CENPP: variants seen among roughly 807,000 people sequenced by gnomAD.
The protein encoded by CENPP is centromere protein P.
CENPP carries 24 observed loss-of-function variants against 35.6 expected under a neutral mutation model. That is an observed-to-expected ratio of 0.67 (90% confidence interval 0.49 to 0.95). The LOEUF is 0.95. CENPP is among the 40% of genes least tolerant of loss of function. The pLI, the probability that CENPP is intolerant of heterozygous loss-of-function variation, is 0.00. For missense variants in CENPP, 332 were observed against 345.3 expected, an observed-to-expected ratio of 0.96 and a Z score of 0.31; for synonymous variants, 120 against 125.5, an observed-to-expected ratio of 0.96 and a Z score of 0.29.
At chr9:92,584,934 T>C (rs1050346884) in intron 5 of CENPP, among the ~76,000 whole-genome samples, 5 of 152,254 alleles carry the variant, frequency 3.3e-5, no homozygotes, top group Non-Finnish European at 7.3e-5. Context: ...TATGCACCCA[T>C]GTATTATGCT....
intron 5 of CENPP, among the ~76,000 whole-genome samples, chr9:92,421,460 A>C (rs1483243642): frequency 6.6e-6 from 1 of 152,222 alleles, no homozygotes; most frequent in African/African-American, 2.4e-5. Flanking sequence ...GTGAAAAAGT[A>C]GAGAATCTTG....
chr9:92,480,097 A>G (rs7035992), intron 5 of CENPP, among the ~76,000 whole-genome samples: 4,710 of 152,284 alleles, frequency 0.031, 253 homozygotes, highest in African/African-American at 0.11. Flanking sequence ...AGGTTACTCT[A>G]TTTTTAAACC....
At chr9:92,412,774 T>TA (rs1484318902) in intron 5 of CENPP, among the ~76,000 whole-genome samples, 1 of 152,222 alleles carries the variant, frequency 6.6e-6, no homozygotes, top group Admixed American at 6.5e-5. Flanking sequence ...GCGTGGTTTC[T>TA]ACCTTTGGAT....
intron 5 of CENPP, among the ~76,000 whole-genome samples, chr9:92,552,814 T>TC (rs1167117571): frequency 6.6e-6 from 1 of 152,210 alleles, no homozygotes; most frequent in Non-Finnish European, 1.5e-5. Flanking sequence ...TGCTGACTGT[T>TC]CCTTTTGCCG....
intron 5 of CENPP, among the ~76,000 whole-genome samples, chr9:92,409,213 T>G (rs1332769216): frequency 6.6e-6 from 1 of 152,202 alleles, no homozygotes; most frequent in Non-Finnish European, 1.5e-5. Flanking sequence ...GTTATATCAA[T>G]TTAGGAAATT....
chr9:92,564,397 A>T (rs1249229347), intron 5 of CENPP, among the ~76,000 whole-genome samples: 1 of 152,154 alleles, frequency 6.6e-6, no homozygotes, highest in Non-Finnish European at 1.5e-5. Flanking sequence ...TCAAAAAAAA[A>T]AAATAAAATA....
intron 5 of CENPP, among the ~76,000 whole-genome samples, chr9:92,401,449 T>C (rs1276026637): frequency 6.6e-6 from 1 of 152,216 alleles, no homozygotes; most frequent in Non-Finnish European, 1.5e-5. Flanking sequence ...CACTCAGTGC[T>C]TAATAAATGT....
chr9:92,486,078 A>G (rs1243298128), intron 5 of CENPP, among the ~76,000 whole-genome samples: 1 of 152,168 alleles, frequency 6.6e-6, no homozygotes, highest in Admixed American at 6.5e-5. Context: ...TGTAAGTGCT[A>G]TGGAGAGAAG....
chr9:92,528,874 A>G (rs1467594662), intron 5 of CENPP, among the ~76,000 whole-genome samples: 1 of 152,238 alleles, frequency 6.6e-6, no homozygotes, highest in Non-Finnish European at 1.5e-5. Flanking sequence ...GTTGACCCAT[A>G]ATGGGAAAAA....
At chr9:92,566,818 T>A (rs1849978659) in intron 5 of CENPP, among the ~76,000 whole-genome samples, 1 of 152,106 alleles carries the variant, frequency 6.6e-6, no homozygotes, top group African/African-American at 2.4e-5. Flanking sequence ...TCTGAAGAAT[T>A]AATGGCTGAA....
intron 5 of CENPP, among the ~76,000 whole-genome samples, chr9:92,541,102 A>T (rs1849308119): frequency 6.6e-6 from 1 of 151,884 alleles, no homozygotes; most frequent in East Asian, 2.0e-4. Flanking sequence ...TCTACTAAAA[A>T]AACAAAATTA....
intron 5 of CENPP, among the ~76,000 whole-genome samples, chr9:92,565,293 TAAAA>T (rs3078380): frequency 2.4e-4 from 8 of 33,162 alleles, no homozygotes; most frequent in South Asian, 2.3e-3. Context: ...GCTGATGAGC[TAAAA>T]AAAAAAAAAA....
At chr9:92,419,903 CTTAAG>C (rs1843734098) in intron 5 of CENPP, among the ~76,000 whole-genome samples, 1 of 152,106 alleles carries the variant, frequency 6.6e-6, no homozygotes. Context: ...AGAATAGTTA[CTTAAG>C]TTATTTTCTT....
chr9:92,532,633 T>C (rs569946829), intron 5 of CENPP, among the ~76,000 whole-genome samples: 8 of 152,358 alleles, frequency 5.3e-5, no homozygotes, highest in African/African-American at 1.7e-4. Flanking sequence ...AATCTATCCA[T>C]TGACTTCCTT....
intron 4 of CENPP, among the ~76,000 whole-genome samples, chr9:92,348,899 G>A (rs893210935): frequency 6.6e-6 from 1 of 152,188 alleles, no homozygotes; most frequent in African/African-American, 2.4e-5. Context: ...CAAAAAGACT[G>A]CGATGATTGT....
At position 92,619,503 on chromosome 9, in the gene CENPP, G is replaced by A. The variant is rs755823995; in HGVS notation, c.*6354G>A. The A allele has an allele frequency of 2.5e-5, 40 of 1,591,544 alleles. No individual in the cohort carries two copies. Among genetic ancestry groups the A allele is most frequent in the Non-Finnish European group, 3.3e-5 (39 of 1,169,468 alleles). On this transcript the variant is annotated 3_prime_UTR_variant, in exon 8 of 8. Transcript: ENST00000375587. Reference sequence around the variant, plus strand: ...GGCCTCACCTGGCATCCTGCAGACAGGGAGACAGTGCAATCATGATGGAGC... The same window carrying A: ...GGCCTCACCTGGCATCCTGCAGACAAGGAGACAGTGCAATCATGATGGAGC...
At chr9:92,439,134 G>C (rs114544327) in intron 5 of CENPP, among the ~76,000 whole-genome samples, 5,378 of 152,098 alleles carry the variant, frequency 0.035, 131 homozygotes, top group Middle Eastern at 0.075. Context: ...TCATCTTTTT[G>C]TTTTCCCAAG....
intron 5 of CENPP, among the ~76,000 whole-genome samples, chr9:92,398,009 T>C (rs1393975399): frequency 6.6e-6 from 1 of 152,226 alleles, no homozygotes; most frequent in Non-Finnish European, 1.5e-5. Context: ...GTATTTGTAA[T>C]GTTTCTCTGA....
intron 5 of CENPP, among the ~76,000 whole-genome samples, chr9:92,478,640 A>G (rs1221333166): frequency 6.6e-6 from 1 of 151,976 alleles, no homozygotes; most frequent in Non-Finnish European, 1.5e-5. Context: ...TTTTGTAGAG[A>G]TGGGGTTTCA....
Sources: allele counts gnomAD v4.1 joint callset (sites outside exome capture counted in the v4.1 genomes callset), GRCh38; gene constraint gnomAD v4.1.1; transcripts MANE v1.5; gene names NCBI Gene and HGNC (gene_info 2026-07-23, HGNC 2026-07-21).